Variants in INPP4B observed in about 807,000 individuals in gnomAD.
INPP4B encodes the protein inositol polyphosphate-4-phosphatase type II B, also known as inositol polyphosphate 4-phosphatase type II.
INPP4B carries 55 observed loss-of-function variants against 122.5 expected under a neutral mutation model. The ratio of observed to expected loss-of-function variants is 0.45; its 90% confidence interval spans 0.36 to 0.56. INPP4B has a LOEUF of 0.56. Ranked by LOEUF, INPP4B falls within the 20% of genes least tolerant of loss-of-function variation. INPP4B has a pLI of 0.00. For synonymous variants in INPP4B, 403 were observed against 388.7 expected (o/e 1.04, Z -0.43); for missense variants, 1,000 against 1,097.7 (o/e 0.91, Z 1.26).
At chr4:142,420,574 A>G (rs991815575) in intron 5 of INPP4B, among the ~76,000 whole-genome samples, 1 of 152,114 alleles carries the variant, frequency 6.6e-6, no homozygotes, top group African/African-American at 2.4e-5. Flanking sequence ...TCAGAAGTAC[A>G]AAAACCTCAT....
chr4:142,106,838 A>G (rs1245456945), intron 23 of INPP4B, among the ~76,000 whole-genome samples: 4 of 152,172 alleles, frequency 2.6e-5, no homozygotes, highest in African/African-American at 9.7e-5. Context: ...TGGGGACCAC[A>G]TATACTTTTC....
intron 17 of INPP4B, among the ~76,000 whole-genome samples, chr4:142,148,789 A>G (rs909211007): frequency 6.6e-6 from 1 of 152,212 alleles, no homozygotes; most frequent in Non-Finnish European, 1.5e-5. Context: ...TCATTGGCTA[A>G]AACCAATAAG....
intron 5 of INPP4B, chr4:142,423,961 A>G: frequency 3.1e-6 from 1 of 319,490 alleles, no homozygotes; most frequent in Non-Finnish European, 6.0e-6. Flanking sequence ...GGGCCTTTCT[A>G]TATGTAGCTT....
chr4:142,707,936 C>T (rs937965486), intron 2 of INPP4B, among the ~76,000 whole-genome samples: 6 of 152,116 alleles, frequency 3.9e-5, no homozygotes, highest in African/African-American at 1.4e-4. Flanking sequence ...ATTATTGTGG[C>T]CAAAATGCTG....
intron 2 of INPP4B, among the ~76,000 whole-genome samples, chr4:142,647,712 T>C (rs1487205749): frequency 6.6e-6 from 1 of 152,240 alleles, no homozygotes; most frequent in Non-Finnish European, 1.5e-5. Flanking sequence ...CCTCTTTCCC[T>C]TATCAGCATA....
intron 7 of INPP4B, among the ~76,000 whole-genome samples, chr4:142,359,376 T>G (rs1446122876): frequency 1.3e-5 from 2 of 151,954 alleles, no homozygotes; most frequent in African/African-American, 4.8e-5. Flanking sequence ...GTACCTACCC[T>G]CATGTTGTTG....
At chr4:142,614,170 C>T (rs982780524) in intron 2 of INPP4B, among the ~76,000 whole-genome samples, 32 of 151,962 alleles carry the variant, frequency 2.1e-4, no homozygotes, top group African/African-American at 7.3e-4. Flanking sequence ...TTGCAGTAGG[C>T]GAAGGCCACT....
chr4:142,107,380 A>G (rs1389223899), intron 23 of INPP4B, among the ~76,000 whole-genome samples: 2 of 152,314 alleles, frequency 1.3e-5, no homozygotes, highest in South Asian at 4.1e-4. Context: ...CTACTTTATT[A>G]AAACTTAGCT....
chr4:142,270,065 C>A (rs1398798411), intron 10 of INPP4B, among the ~76,000 whole-genome samples: 1 of 152,098 alleles, frequency 6.6e-6, no homozygotes, highest in Non-Finnish European at 1.5e-5. Context: ...AAGAAAGAAT[C>A]CTGGACACAT....
At chr4:142,428,313 C>G (rs1404010069) in intron 5 of INPP4B, among the ~76,000 whole-genome samples, 1 of 150,792 alleles carries the variant, frequency 6.6e-6, no homozygotes. Context: ...GATTTTGATA[C>G]TATAATACTA....
At chr4:142,721,201 A>G (rs988734766) in intron 2 of INPP4B, among the ~76,000 whole-genome samples, 1 of 151,990 alleles carries the variant, frequency 6.6e-6, no homozygotes, top group Non-Finnish European at 1.5e-5. Context: ...TGAGAGCCCC[A>G]ATTCCCAAAG....
At chr4:142,029,678 A>C in intron 25 of INPP4B, 4 of 985,796 alleles carry the variant, frequency 4.1e-6, no homozygotes, top group Non-Finnish European at 3.6e-6. Context: ...AGGTTAAAAA[A>C]AATTTCTATC....
At chr4:142,611,889 G>A (rs549244222) in intron 2 of INPP4B, among the ~76,000 whole-genome samples, 13 of 152,044 alleles carry the variant, frequency 8.6e-5, no homozygotes, top group Non-Finnish European at 1.6e-4. Context: ...GGCTGGTCTC[G>A]AACTCCTGAC....
chr4:142,747,854 A>G (rs1041888782), intron 1 of INPP4B, among the ~76,000 whole-genome samples: 2 of 147,594 alleles, frequency 1.4e-5, no homozygotes, highest in Non-Finnish European at 3.0e-5. Flanking sequence ...GGAACATCAC[A>G]TACCAGGGCC....
chr4:142,199,199 T>TA (rs1460988903), intron 14 of INPP4B, among the ~76,000 whole-genome samples: 4 of 152,110 alleles, frequency 2.6e-5, no homozygotes, highest in East Asian at 1.9e-4. Context: ...ACAATGTCGA[T>TA]AAAAAAATAA....
intron 12 of INPP4B, among the ~76,000 whole-genome samples, chr4:142,237,329 G>A (rs1857112031): frequency 6.6e-6 from 1 of 151,950 alleles, no homozygotes; most frequent in African/African-American, 2.4e-5. Flanking sequence ...CAGATACCAA[G>A]GTATCCACAG....
chr4:142,417,972 G>C (rs1021516470), intron 5 of INPP4B, among the ~76,000 whole-genome samples: 4 of 152,066 alleles, frequency 2.6e-5, no homozygotes, highest in Middle Eastern at 3.2e-3. Context: ...CAAGAAGATT[G>C]GTTGCTTCTT....
chr4:142,179,282 G>A (rs961894104), intron 15 of INPP4B, among the ~76,000 whole-genome samples: 2 of 151,848 alleles, frequency 1.3e-5, no homozygotes, highest in Non-Finnish European at 2.9e-5. Flanking sequence ...AGGCCAGCCT[G>A]GAAAGCACAG....
intron 5 of INPP4B, among the ~76,000 whole-genome samples, chr4:142,411,649 T>C (rs1032781178): frequency 1.3e-5 from 2 of 152,148 alleles, no homozygotes; most frequent in South Asian, 2.1e-4. Flanking sequence ...CCCAGCACTT[T>C]GGGAGGCCCA....
Sources: allele counts gnomAD v4.1 joint callset (sites outside exome capture counted in the v4.1 genomes callset), GRCh38; gene constraint gnomAD v4.1.1; transcripts MANE v1.5; gene names NCBI Gene and HGNC (gene_info 2026-07-23, HGNC 2026-07-21).